Variants in DLG2 observed in about 807,000 individuals in gnomAD.
DLG2 encodes the protein disks large homolog 2.
DLG2 carries 45 observed loss-of-function variants against 132.5 expected under a neutral mutation model. That is an observed-to-expected ratio of 0.34 (90% CI 0.27 to 0.44). The LOEUF (loss-of-function observed/expected upper bound fraction) is 0.44. DLG2 is among the 20% of genes least tolerant of loss of function. The pLI, the probability that DLG2 is intolerant of heterozygous loss-of-function variation, is 1.00. For missense variants in DLG2, 1,045 were observed against 1,196.9 expected, an observed-to-expected ratio of 0.87 and a Z score of 1.87; for synonymous variants, 424 against 419.6, an observed-to-expected ratio of 1.01 and a Z score of -0.13.
chr11:84,407,098 C>T (rs953334101), intron 7 of DLG2, among the ~76,000 whole-genome samples: 3 of 152,164 alleles, frequency 2.0e-5, no homozygotes, highest in East Asian at 3.9e-4. Context: ...TTCCGCACCT[C>T]AGTCCCCACC....
intron 19 of DLG2, among the ~76,000 whole-genome samples, chr11:83,571,948 T>C (rs1456051881): frequency 6.6e-6 from 1 of 152,036 alleles, no homozygotes; most frequent in Non-Finnish European, 1.5e-5. Flanking sequence ...GATCACAATA[T>C]AATGCTAAGT....
At chr11:84,158,109 G>A (rs552548906) in intron 9 of DLG2, among the ~76,000 whole-genome samples, 32 of 151,722 alleles carry the variant, frequency 2.1e-4, no homozygotes, top group Non-Finnish European at 4.4e-4. Flanking sequence ...TGTTGCCCAG[G>A]CTGGAGTGCA....
chr11:85,243,920 CT>C (rs2076013041), intron 4 of DLG2, among the ~76,000 whole-genome samples: 2 of 152,022 alleles, frequency 1.3e-5, no homozygotes, highest in Admixed American at 1.3e-4. Flanking sequence ...GGTCAATTTC[CT>C]AACCATTTTA....
At chr11:85,208,377 CCA>C (rs1478457217) in intron 4 of DLG2, among the ~76,000 whole-genome samples, 20 of 152,220 alleles carry the variant, frequency 1.3e-4, no homozygotes, top group African/African-American at 4.3e-4. Context: ...ACTCTCTCTT[CCA>C]CATTTTATAT....
rs115610094 is a variant in DLG2, at chr11:85,442,837, C to T, written c.40+155820G>A. On this transcript the variant is annotated intron_variant, in intron 3 of 27. Coordinates refer to ENST00000376104, the MANE Select transcript of DLG2 (RefSeq NM_001142699.3). ...TTCAAGGCAGTGAGATTTCATCACG[C>T]GACTACACTCCAACCTTAGCAAAAG... is the stretch of plus-strand genomic sequence containing the variant. 5.5e-3 allele frequency among the ~76,000 whole-genome samples: 827 copies of T among 151,362 alleles called. 10 individuals are homozygous for T. Among genetic ancestry groups the T allele is most frequent in the African/African-American group, 0.019 (801 of 41,194 alleles).
chr11:83,533,677 A>AGTGAG (rs1471938167), intron 20 of DLG2, among the ~76,000 whole-genome samples: 5 of 152,194 alleles, frequency 3.3e-5, no homozygotes, highest in African/African-American at 1.2e-4. Context: ...TGAAGATATG[A>AGTGAG]GTGAGCTACA....
intron 6 of DLG2, among the ~76,000 whole-genome samples, chr11:84,641,222 ACTCT>A (rs754600191): frequency 2.6e-4 from 39 of 151,964 alleles, no homozygotes; most frequent in Non-Finnish European, 5.1e-4. Flanking sequence ...AATTATTCAA[ACTCT>A]CTCTGTCTCA....
At chr11:83,872,607 C>G (rs1272652006) in intron 16 of DLG2, among the ~76,000 whole-genome samples, 1 of 152,074 alleles carries the variant, frequency 6.6e-6, no homozygotes, top group Non-Finnish European at 1.5e-5. Flanking sequence ...GTGATTATGT[C>G]AACTACAGAG....
chr11:84,085,050 G>C (rs1224901681), intron 10 of DLG2, among the ~76,000 whole-genome samples: 1 of 152,138 alleles, frequency 6.6e-6, no homozygotes, highest in Non-Finnish European at 1.5e-5. Context: ...TTGATTTTCT[G>C]TGACAGTAGC....
chr11:84,170,214 C>G (rs1482329569), intron 8 of DLG2, among the ~76,000 whole-genome samples: 1 of 152,222 alleles, frequency 6.6e-6, no homozygotes, highest in African/African-American at 2.4e-5. Context: ...CTAACAACAG[C>G]TGCCCTTTCC....
intron 6 of DLG2, among the ~76,000 whole-genome samples, chr11:85,074,195 T>C (rs1042922210): frequency 1.3e-5 from 2 of 151,874 alleles, no homozygotes; most frequent in Non-Finnish European, 1.5e-5. Flanking sequence ...CCCTGCAACA[T>C]GCAATTTACC....
chr11:84,295,052 A>C (rs1365188937), intron 7 of DLG2, among the ~76,000 whole-genome samples: 2 of 152,174 alleles, frequency 1.3e-5, no homozygotes, highest in East Asian at 3.9e-4. Flanking sequence ...GAGCTGTATA[A>C]TTACCTAAAT....
chr11:84,089,900 T>C (rs1235445886), intron 10 of DLG2, among the ~76,000 whole-genome samples: 1 of 152,164 alleles, frequency 6.6e-6, no homozygotes, highest in Non-Finnish European at 1.5e-5. Context: ...GTGTAAAATG[T>C]CATTGCTGCA....
chr11:85,524,845 TG>T (rs2074615554), intron 3 of DLG2: 1 of 151,912 alleles, frequency 6.6e-6, no homozygotes, highest in African/African-American at 2.4e-5. Context: ...ACTCAATCTC[TG>T]GTTATTAAAA....
chr11:84,336,116 A>AT (rs1051761892), intron 7 of DLG2, among the ~76,000 whole-genome samples: 1 of 152,158 alleles, frequency 6.6e-6, no homozygotes, highest in African/African-American at 2.4e-5. Flanking sequence ...AACTTTTCTC[A>AT]TTTTGGGGGG....
intron 6 of DLG2, among the ~76,000 whole-genome samples, chr11:84,937,244 C>T (rs1223418988): frequency 6.6e-6 from 1 of 152,116 alleles, no homozygotes; most frequent in Non-Finnish European, 1.5e-5. Flanking sequence ...TTAATGAGCA[C>T]TTACTACATC....
chr11:85,104,385 G>A (rs976620629), intron 6 of DLG2, among the ~76,000 whole-genome samples: 3 of 151,850 alleles, frequency 2.0e-5, no homozygotes, highest in Admixed American at 6.6e-5. Flanking sequence ...GCAAAATAAT[G>A]AAGAAATAAT....
Position 84,203,581 on chromosome 11 carries a change from C to CAA in DLG2, c.574-40072_574-40071dup, listed in dbSNP as rs58934857. Among the ~76,000 whole-genome samples, 14 of 99,404 alleles carry CAA rather than the reference C, an allele frequency of 1.4e-4. 3 individuals carry two copies. The highest frequency in any genetic ancestry group is 0.013 in the Middle Eastern group (2 of 156). The allele number at this position is 99,404 out of a possible 152,430, so 65.2% of individuals were successfully genotyped here. A position where few individuals can be genotyped will look rare whatever the true frequency, so the allele number is the denominator to read the frequency against. ...CGGGCAACAGAGCGAGACTCCGTCT[C>CAA]AAAAAAAAAAAAAAAAAAGGAATGA... On this transcript the variant is annotated intron_variant, in intron 8 of 27. Transcript: ENST00000376104.
At chr11:84,070,837 T>C (rs75265441) in intron 10 of DLG2, among the ~76,000 whole-genome samples, 1,604 of 152,278 alleles carry the variant, frequency 0.011, 33 homozygotes, top group African/African-American at 0.036. Flanking sequence ...TAAACCTAAA[T>C]TCAAGGTCAA....
Sources: allele counts gnomAD v4.1 joint callset (sites outside exome capture counted in the v4.1 genomes callset), GRCh38; gene constraint gnomAD v4.1.1; transcripts MANE v1.5; gene names NCBI Gene and HGNC (gene_info 2026-07-23, HGNC 2026-07-21).